Variants in IL1RAPL1 observed in about 807,000 individuals in gnomAD.
IL1RAPL1 encodes interleukin-1 receptor accessory protein-like 1.
A neutral mutation model predicts 48.4 loss-of-function variants in IL1RAPL1; 3 were observed. The ratio of observed to expected loss-of-function variants is 0.06; its 90% CI spans 0.03 to 0.16. IL1RAPL1 has a LOEUF of 0.16. Among genes scored for constraint, IL1RAPL1 ranks in the 10% least tolerant of loss-of-function variants. IL1RAPL1 has a pLI of 1.00. For synonymous variants in IL1RAPL1, 185 were observed against 187.7 expected (o/e 0.99, Z 0.12); for missense variants, 349 against 530.6 (o/e 0.66, Z 3.36).
intron 2 of IL1RAPL1, among the ~76,000 whole-genome samples, chrX:28,837,781 C>T (rs1569183333): frequency 1.1e-5 from 1 of 95,131 alleles, no homozygotes; most frequent in Non-Finnish European, 2.0e-5. Context: ...TTTTCCTTAT[C>T]TCCCTCTTCA....
intron 2 of IL1RAPL1, among the ~76,000 whole-genome samples, chrX:29,186,375 C>T (rs1016431306): frequency 3.6e-5 from 4 of 111,837 alleles, no homozygotes; most frequent in African/African-American, 1.3e-4. Context: ...ATGAGTTTGA[C>T]ACCTTGAGTA....
At chrX:29,801,804 G>A (rs970708914) in intron 6 of IL1RAPL1, among the ~76,000 whole-genome samples, 5 of 111,451 alleles carry the variant, frequency 4.5e-5, no homozygotes, top group Non-Finnish European at 7.5e-5. Context: ...TTCCTCAAAG[G>A]TTTTGGAGAG....
chrX:29,856,914 A>T, intron 6 of IL1RAPL1, among the ~76,000 whole-genome samples: 1 of 111,844 alleles, frequency 8.9e-6, no homozygotes, highest in South Asian at 3.7e-4. Context: ...AAGTAGCTCT[A>T]CTTAAACTAG....
intron 5 of IL1RAPL1, among the ~76,000 whole-genome samples, chrX:29,466,334 G>A (rs772076472): frequency 6.3e-5 from 7 of 111,407 alleles, no homozygotes; most frequent in East Asian, 5.6e-4. Flanking sequence ...ACTTTTAGGC[G>A]GTCTCATCTG....
intron 1 of IL1RAPL1, among the ~76,000 whole-genome samples, chrX:28,605,355 G>C (rs940510615): frequency 1.8e-5 from 2 of 111,531 alleles, no homozygotes; most frequent in Non-Finnish European, 3.8e-5. Context: ...TTCCCATCTC[G>C]ATTGATGTCA....
chrX:29,707,658 T>A (rs1280758371), intron 6 of IL1RAPL1, among the ~76,000 whole-genome samples: 1 of 111,948 alleles, frequency 8.9e-6, no homozygotes, highest in East Asian at 2.8e-4. Flanking sequence ...AATTGGAAAC[T>A]ATTATTCTAA....
intron 2 of IL1RAPL1, among the ~76,000 whole-genome samples, chrX:29,091,947 A>C (rs1928100690): frequency 8.9e-6 from 1 of 112,043 alleles, no homozygotes; most frequent in African/African-American, 3.2e-5. Context: ...CAAAAAAAGT[A>C]AAATAAAATA....
intron 2 of IL1RAPL1, among the ~76,000 whole-genome samples, chrX:29,100,013 A>G (rs375708609): frequency 9.1e-5 from 10 of 110,365 alleles, no homozygotes; most frequent in African/African-American, 3.3e-4. Flanking sequence ...GGAGATCAAG[A>G]CCATCCTGGC....
chrX:29,697,554 G>T (rs865786086), intron 6 of IL1RAPL1, among the ~76,000 whole-genome samples: 22 of 111,586 alleles, frequency 2.0e-4, no homozygotes, highest in Admixed American at 4.8e-4. Context: ...TGAAACGAAA[G>T]TTGGTCCAAT....
chrX:28,603,069 T>C (rs1934044562), intron 1 of IL1RAPL1, among the ~76,000 whole-genome samples: 1 of 111,856 alleles, frequency 8.9e-6, no homozygotes, highest in Non-Finnish European at 1.9e-5. Flanking sequence ...AATAATTTCA[T>C]ACCTGAGGAC....
At chrX:28,634,778 A>G (rs1170987641) in intron 1 of IL1RAPL1, among the ~76,000 whole-genome samples, 3 of 109,542 alleles carry the variant, frequency 2.7e-5, no homozygotes, top group African/African-American at 1.0e-4. Flanking sequence ...CCTCTTATCA[A>G]TCACTTTGGA....
intron 5 of IL1RAPL1, among the ~76,000 whole-genome samples, chrX:29,461,065 A>T (rs770509521): frequency 8.9e-6 from 1 of 112,123 alleles, no homozygotes; most frequent in South Asian, 3.7e-4. Context: ...AGAACATAGA[A>T]AATGTATAAC....
intron 3 of IL1RAPL1, among the ~76,000 whole-genome samples, chrX:29,388,851 C>T (rs1310983840): frequency 1.8e-5 from 2 of 111,349 alleles, no homozygotes; most frequent in Non-Finnish European, 3.8e-5. Context: ...GTGATCATTC[C>T]AAATCATTAT....
intron 5 of IL1RAPL1, among the ~76,000 whole-genome samples, chrX:29,623,226 C>T (rs1376421780): frequency 9.3e-6 from 1 of 107,128 alleles, no homozygotes; most frequent in Non-Finnish European, 1.9e-5. Context: ...AGCTTGCCAG[C>T]GAGCCGAGAT....
At chrX:29,156,579 T>C in intron 2 of IL1RAPL1, among the ~76,000 whole-genome samples, 1 of 111,485 alleles carries the variant, frequency 9.0e-6, no homozygotes. Flanking sequence ...TGTGTAGGTG[T>C]AGAAATCACC....
At chrX:29,479,580 T>G (rs1935016056) in intron 5 of IL1RAPL1, among the ~76,000 whole-genome samples, 1 of 109,174 alleles carries the variant, frequency 9.2e-6, no homozygotes, top group East Asian at 2.9e-4. Context: ...TTACAAGGAT[T>G]AGTTCCATAG....
intron 1 of IL1RAPL1, among the ~76,000 whole-genome samples, chrX:28,747,362 G>A (rs1018589953): frequency 9.0e-6 from 1 of 111,700 alleles, no homozygotes; most frequent in Non-Finnish European, 1.9e-5. Context: ...GGGGCCGGGC[G>A]CAGTGGCTCT....
At chrX:29,578,753 A>G (rs1429968970) in intron 5 of IL1RAPL1, among the ~76,000 whole-genome samples, 1 of 112,191 alleles carries the variant, frequency 8.9e-6, no homozygotes, top group Non-Finnish European at 1.9e-5. Context: ...TTCACTATAC[A>G]TCAAAAAGAT....
In IL1RAPL1 at chrX:28,719,498, A is replaced by G. The variant is rs1427689337; in HGVS notation, c.-24-69822A>G. ...TGTTTGAGGTAATAACTAAAAATAA[A>G]AACAGTAGTATGGATGAGAATAGAC... On this transcript the variant is annotated intron_variant, in intron 1 of 10. Coordinates refer to ENST00000378993, the MANE Select transcript of IL1RAPL1 (RefSeq NM_014271.4). Among the ~76,000 whole-genome samples, 5 of 110,923 alleles carry G rather than the reference A, an allele frequency of 4.5e-5. No homozygotes were observed. The East Asian group carries it at 8.5e-4, about 19-fold the overall frequency.
Sources: allele counts gnomAD v4.1 joint callset (sites outside exome capture counted in the v4.1 genomes callset), GRCh38; gene constraint gnomAD v4.1.1; transcripts MANE v1.5; gene names NCBI Gene and HGNC (gene_info 2026-07-23, HGNC 2026-07-21).